Variants in NR2F1-AS1 observed in about 807,000 individuals in gnomAD.
The protein encoded by NR2F1-AS1 is NR2F1 antisense RNA 1.
chr5:93,490,769 T>C (rs1263187862), intron 4 of NR2F1-AS1, among the ~76,000 whole-genome samples: 1 of 150,310 alleles, frequency 6.7e-6, no homozygotes, highest in African/African-American at 2.5e-5. Context: ...ATGCTGGTGA[T>C]GAGAGTGGTG....
chr5:93,496,924 T>A (rs1488589988), intron 4 of NR2F1-AS1, among the ~76,000 whole-genome samples: 1 of 152,204 alleles, frequency 6.6e-6, no homozygotes, highest in East Asian at 1.9e-4. Flanking sequence ...TCCTTTTTAC[T>A]GTGAATACAG....
chr5:93,420,624 A>T (rs564430019), intron 4 of NR2F1-AS1, among the ~76,000 whole-genome samples: 7 of 152,334 alleles, frequency 4.6e-5, no homozygotes, highest in African/African-American at 1.7e-4. Flanking sequence ...AAAGGTGGAA[A>T]ATGGAAGAGA....
At chr5:93,411,262 A>C (rs1414400248) in intron 4 of NR2F1-AS1, 1 of 152,260 alleles carries the variant, frequency 6.6e-6, no homozygotes, top group African/African-American at 2.4e-5. Flanking sequence ...GGAGCAGCTG[A>C]GATGAAAAGG....
chr5:93,460,905 C>A lies in NR2F1-AS1; in HGVS notation n.639-65363G>T, dbSNP rs868120544. On this transcript the variant is annotated intron_variant and non_coding_transcript_variant, in intron 4 of 5. Coordinates refer to ENST00000660523, the Ensembl canonical transcript of NR2F1-AS1. ...TGGTGGGAGTGTAAATTAGTTTGACCACTGTGGAAGACAGTGTGGCAATAC... is the reference window on the plus strand; with the variant it reads ...TGGTGGGAGTGTAAATTAGTTTGACAACTGTGGAAGACAGTGTGGCAATAC... Among the ~76,000 whole-genome samples the A allele has an allele frequency of 7.2e-5, 11 of 152,284 alleles. No homozygotes were observed. In the Middle Eastern group the frequency reaches 0.01, roughly 141 times the overall value.
intron 4 of NR2F1-AS1, among the ~76,000 whole-genome samples, chr5:93,466,912 G>GT (rs569543936): frequency 1.5e-5 from 2 of 134,246 alleles, no homozygotes; most frequent in South Asian, 2.8e-4. Context: ...TTTGGGGGGG[G>GT]GGGGGGTGGA....
intron 4 of NR2F1-AS1, among the ~76,000 whole-genome samples, chr5:93,492,252 A>T (rs1750866783): frequency 6.6e-6 from 1 of 152,200 alleles, no homozygotes; most frequent in South Asian, 2.1e-4. Flanking sequence ...TTTAAGAAGT[A>T]AAAAATCTTA....
chr5:93,476,863 C>A (rs779209519), intron 4 of NR2F1-AS1, among the ~76,000 whole-genome samples: 3 of 152,004 alleles, frequency 2.0e-5, no homozygotes, highest in Non-Finnish European at 4.4e-5. Flanking sequence ...TAATAAGAAT[C>A]TTTGCTAAAT....
intron 2 of NR2F1-AS1, among the ~76,000 whole-genome samples, chr5:93,558,631 ATT>A (rs1752417589): frequency 6.6e-6 from 1 of 152,128 alleles, no homozygotes; most frequent in Non-Finnish European, 1.5e-5. Context: ...CTCAAAATGT[ATT>A]TCTTAATTAA....
intron 4 of NR2F1-AS1, chr5:93,410,568 A>T (rs1748834037): frequency 6.6e-6 from 1 of 152,164 alleles, no homozygotes; most frequent in Admixed American, 6.6e-5. Context: ...CGCACTCGTT[A>T]TGAGAGCCTA....
intron 4 of NR2F1-AS1, among the ~76,000 whole-genome samples, chr5:93,552,912 T>C (rs1444154984): frequency 6.6e-6 from 1 of 152,108 alleles, no homozygotes; most frequent in Non-Finnish European, 1.5e-5. Context: ...GATTATTAAA[T>C]ACTATCAAAT....
intron 4 of NR2F1-AS1, among the ~76,000 whole-genome samples, chr5:93,419,807 G>C (rs1416764531): frequency 6.6e-6 from 1 of 152,156 alleles, no homozygotes; most frequent in Admixed American, 6.5e-5. Context: ...AAAAACAGAT[G>C]GGGGACCAGA....
intron 4 of NR2F1-AS1, among the ~76,000 whole-genome samples, chr5:93,527,049 G>A (rs1034829363): frequency 2.6e-5 from 4 of 152,178 alleles, no homozygotes; most frequent in African/African-American, 9.7e-5. Flanking sequence ...AAGAGAGGAA[G>A]TCAAATTGTC....
intron 4 of NR2F1-AS1, among the ~76,000 whole-genome samples, chr5:93,418,044 G>C (rs1419638545): frequency 6.6e-6 from 1 of 152,102 alleles, no homozygotes; most frequent in African/African-American, 2.4e-5. Context: ...ATGCCTCTCT[G>C]CAAGGGAAAC....
intron 1 of NR2F1-AS1, among the ~76,000 whole-genome samples, chr5:93,564,154 A>G (rs71639286): frequency 1.5e-5 from 2 of 136,690 alleles, no homozygotes; most frequent in Non-Finnish European, 3.1e-5. Context: ...AAAAAAACAC[A>G]CAACTACCTG....
At chr5:93,485,659 A>G (rs184255704) in intron 4 of NR2F1-AS1, among the ~76,000 whole-genome samples, 1 of 152,200 alleles carries the variant, frequency 6.6e-6, no homozygotes, top group East Asian at 1.9e-4. Context: ...CAAAAAGTCA[A>G]TGAATTGACT....
At chr5:93,414,968 T>C (rs549848896) in intron 4 of NR2F1-AS1, among the ~76,000 whole-genome samples, 203 of 152,264 alleles carry the variant, frequency 1.3e-3, no homozygotes, top group Middle Eastern at 0.01. Context: ...AGAACACTTA[T>C]GCATCTTCAG....
upstream of NR2F1-AS1, chr5:93,583,535 A>G (rs1448162443): frequency 6.6e-6 from 1 of 151,750 alleles, no homozygotes; most frequent in East Asian, 1.9e-4. Context: ...AGAAAAAAAA[A>G]AGGAGGAGGA....
At chr5:93,488,808 T>C (rs1411779412) in intron 4 of NR2F1-AS1, among the ~76,000 whole-genome samples, 4 of 152,220 alleles carry the variant, frequency 2.6e-5, no homozygotes, top group African/African-American at 7.2e-5. Context: ...CATATGTTTA[T>C]TGCAGCATTG....
chr5:93,412,177 A>T (rs902388039), intron 4 of NR2F1-AS1, among the ~76,000 whole-genome samples: 4 of 152,202 alleles, frequency 2.6e-5, no homozygotes, highest in African/African-American at 9.6e-5. Context: ...TCACATGCTC[A>T]GGGGCTGTTG....
Sources: allele counts gnomAD v4.1 joint callset (sites outside exome capture counted in the v4.1 genomes callset), GRCh38; gene constraint gnomAD v4.1.1; transcripts MANE v1.5; gene names NCBI Gene and HGNC (gene_info 2026-07-23, HGNC 2026-07-21).